The following FNBP1 variants were observed in gnomAD, a reference collection of about 807,000 sequenced individuals.
The protein encoded by FNBP1 is formin-binding protein 1.
In FNBP1, 26 loss-of-function variants were observed where a neutral mutation model predicts 90.6. That is an observed-to-expected ratio of 0.29 (90% confidence interval 0.21 to 0.40). FNBP1 has a LOEUF of 0.40. Among genes scored for constraint, FNBP1 ranks in the 10% least tolerant of loss-of-function variants. FNBP1 has a pLI of 1.00. For synonymous variants in FNBP1, 260 were observed against 265.2 expected (o/e 0.98, Z 0.19); for missense variants, 635 against 768.0 (o/e 0.83, Z 2.05).
intron 1 of FNBP1, among the ~76,000 whole-genome samples, chr9:130,036,321 T>A (rs1480038097): frequency 6.6e-6 from 1 of 152,232 alleles, no homozygotes; most frequent in Non-Finnish European, 1.5e-5. Flanking sequence ...GATACTTGAA[T>A]AGTCCTTCAA....
chr9:129,981,050 CAA>C (rs71385498), intron 2 of FNBP1, among the ~76,000 whole-genome samples: 204 of 120,464 alleles, frequency 1.7e-3, no homozygotes, highest in South Asian at 6.4e-3. Flanking sequence ...GACTCCGTCT[CAA>C]AAAAAAAAAA....
Position 129,895,883 on chromosome 9 carries a change from C to T in FNBP1, c.1801G>A (p.Val601Ile), listed in dbSNP as rs2035634506. The stretch of plus-strand genomic sequence containing the variant: ...CAGACTTCGACATATGAAGTGGGGA[C>T]ATAACCCTCTTCATCTTCATTTCTC... The part of the protein sequence containing the change: ...IRRNEDEEGY[V>I]PTSYVEVCLD... Residue 601 changes from valine (V) to isoleucine (I), a missense_variant, in exon 16 of 17, where the codon GTC becomes ATC. Physicochemically the swap from Val to Ile is conservative, Grantham distance 29. Coordinates refer to ENST00000446176, the MANE Select transcript of FNBP1 (RefSeq NM_015033.3). The T allele has an allele frequency of 1.9e-6, 3 of 1,613,418 alleles. No homozygotes were observed. The highest frequency in any genetic ancestry group is 2.7e-5 in the African/African-American group (2 of 74,822).
At chr9:129,963,288 T>C (rs896826011) in intron 4 of FNBP1, among the ~76,000 whole-genome samples, 1 of 152,064 alleles carries the variant, frequency 6.6e-6, no homozygotes, top group Non-Finnish European at 1.5e-5. Flanking sequence ...CTGGGACATG[T>C]CACCTGACTT....
intron 6 of FNBP1, among the ~76,000 whole-genome samples, chr9:129,933,226 C>T (rs1042524814): frequency 1.3e-5 from 2 of 152,092 alleles, no homozygotes; most frequent in Non-Finnish European, 2.9e-5. Flanking sequence ...TGTACTTACA[C>T]GCACACACAT....
Position 130,043,066 on chromosome 9 carries a change from C to G in FNBP1, c.-91G>C. On this transcript the variant is annotated 5_prime_UTR_variant, in exon 1 of 17. Transcript: ENST00000446176. Reference sequence around the variant, plus strand: ...ATCCCTTTGCCCCCCGAGATCCCCGCGACGGCGGAAAGCCCGGAGTCCGCG... The same window carrying G: ...ATCCCTTTGCCCCCCGAGATCCCCGGGACGGCGGAAAGCCCGGAGTCCGCG... 8.5e-7 allele frequency: 1 copy of G among 1,176,302 alleles called. No homozygotes were observed. The highest frequency in any genetic ancestry group is 3.2e-4 in the Middle Eastern group (1 of 3,084). The allele number at this position is 1,176,302 out of a possible 1,614,324, so 72.9% of individuals were successfully genotyped here.
intron 6 of FNBP1, among the ~76,000 whole-genome samples, chr9:129,943,319 T>C (rs953950747): frequency 3.3e-5 from 5 of 152,022 alleles, no homozygotes; most frequent in East Asian, 1.9e-4. Flanking sequence ...ATGGACCTCA[T>C]TGATCGTTTT....
At chr9:129,980,685 A>C (rs973496238) in intron 2 of FNBP1, among the ~76,000 whole-genome samples, 7 of 149,988 alleles carry the variant, frequency 4.7e-5, no homozygotes, top group African/African-American at 1.2e-4. Flanking sequence ...AAAAAAAAAA[A>C]AAACCCTCAC....
At chr9:129,969,851 A>G (rs556954050) in intron 4 of FNBP1, among the ~76,000 whole-genome samples, 2 of 151,996 alleles carry the variant, frequency 1.3e-5, no homozygotes, top group African/African-American at 4.8e-5. Flanking sequence ...AATCAAGAAG[A>G]ATATAAATTA....
chr9:129,887,323 A>G lies in FNBP1; in HGVS notation c.*3216T>C. 1 of 197,486 alleles carries G rather than the reference A, an allele frequency of 5.1e-6. No homozygotes were observed. Among genetic ancestry groups the G allele is most frequent in the Non-Finnish European group, 1.1e-5 (1 of 94,976 alleles). The allele number at this position is 197,486 out of a possible 1,614,324, so 12.2% of individuals were successfully genotyped here. On this transcript the variant is annotated 3_prime_UTR_variant, in exon 17 of 17. Transcript: ENST00000446176. ...CAACTCTAGGACCTTTACAGTGGCG[A>G]TCGGCCTCACACAGCAAAATGCCTC...
chr9:129,947,534 T>C (rs2045508747), intron 6 of FNBP1, among the ~76,000 whole-genome samples: 3 of 151,948 alleles, frequency 2.0e-5, no homozygotes, highest in African/African-American at 7.3e-5. Context: ...TATACCCGCA[T>C]ACCTTGCCAG....
At position 129,887,705 on chromosome 9, in the gene FNBP1, GA is replaced by G; in HGVS notation, c.*2833del. Reference sequence around the variant, plus strand: ...TTTTATACTTTCCCATCCTACAAAGGAAAAACTGGGTAAAGGACAAGTTCCT... The same window carrying G: ...TTTTATACTTTCCCATCCTACAAAGGAAAACTGGGTAAAGGACAAGTTCCT... On this transcript the variant is annotated 3_prime_UTR_variant, in exon 17 of 17. Coordinates refer to ENST00000446176, the MANE Select transcript of FNBP1 (RefSeq NM_015033.3). The G allele has an allele frequency of 4.5e-6, 1 of 221,916 alleles. No individual in the cohort carries two copies. The highest frequency in any genetic ancestry group is 9.0e-6 in the Non-Finnish European group (1 of 111,070). 13.7% of individuals were successfully genotyped at this position (221,916 alleles called of 1,614,324 possible). A position where few individuals can be genotyped will look rare whatever the true frequency, so the allele number is the denominator to read the frequency against.
chr9:129,903,619 A>C (rs2037391090), intron 12 of FNBP1, among the ~76,000 whole-genome samples: 1 of 152,198 alleles, frequency 6.6e-6, no homozygotes, highest in Non-Finnish European at 1.5e-5. Context: ...GATAAAATAA[A>C]TAAATAAATA....
chr9:130,011,245 T>TAAAA (rs1702094929), intron 1 of FNBP1, among the ~76,000 whole-genome samples: 1 of 18,864 alleles, frequency 5.3e-5, no homozygotes, highest in Non-Finnish European at 9.9e-5. Flanking sequence ...AAAAAAAAAA[T>TAAAA]ATATATATAT....
At chr9:130,028,942 T>C (rs138633249) in intron 1 of FNBP1, among the ~76,000 whole-genome samples, 65 of 152,290 alleles carry the variant, frequency 4.3e-4, no homozygotes, top group African/African-American at 1.5e-3. Flanking sequence ...TCTTGTAAAA[T>C]GTCCAGCACT....
chr9:130,047,283 C>G (rs1274779587), upstream of FNBP1, among the ~76,000 whole-genome samples: 1 of 152,156 alleles, frequency 6.6e-6, no homozygotes, highest in Admixed American at 6.5e-5. Flanking sequence ...AATCCCAACA[C>G]GTTTGGTCAC....
intron 6 of FNBP1, among the ~76,000 whole-genome samples, chr9:129,955,745 A>G (rs1002200520): frequency 2.0e-5 from 3 of 150,996 alleles, no homozygotes; most frequent in Non-Finnish European, 3.0e-5. Context: ...AATAAAAAAT[A>G]AAAATAAATA....
intron 1 of FNBP1, among the ~76,000 whole-genome samples, chr9:130,018,454 T>C (rs1170569170): frequency 6.6e-6 from 1 of 152,192 alleles, no homozygotes; most frequent in Non-Finnish European, 1.5e-5. Flanking sequence ...CAGCCAGCTC[T>C]AGCGTCTCAG....
chr9:129,912,652 C>T (rs550048637), intron 11 of FNBP1, among the ~76,000 whole-genome samples: 21 of 146,058 alleles, frequency 1.4e-4, no homozygotes, highest in Non-Finnish European at 2.5e-4. Context: ...TGCGCTACTG[C>T]GCACTCCAGC....
chr9:129,895,147 C>G, intron 16 of FNBP1: 1 of 442,506 alleles, frequency 2.3e-6, no homozygotes, highest in Non-Finnish European at 3.2e-6. Context: ...ATCAAGTGGT[C>G]AATTCACCAA....
Sources: gnomAD v4.1 joint callset for allele counts (sites outside exome capture counted in the v4.1 genomes callset) on GRCh38, gnomAD v4.1.1 for gene constraint, MANE v1.5 for transcripts, NCBI Gene and HGNC (gene_info 2026-07-23, HGNC 2026-07-21) for gene names.